Variants in VAV3 observed in about 807,000 individuals in gnomAD.
VAV3 encodes guanine nucleotide exchange factor VAV3.
VAV3 carries 94 observed loss-of-function variants against 131.2 expected under a neutral mutation model. That is an observed-to-expected ratio of 0.72 (90% confidence interval 0.61 to 0.85). The LOEUF is 0.85. Ranked by LOEUF, VAV3 falls within the 40% of genes least tolerant of loss-of-function variation. The pLI is 0.00. For synonymous variants in VAV3, 349 were observed against 342.0 expected (o/e 1.02, Z -0.22); for missense variants, 939 against 1,002.7 (o/e 0.94, Z 0.86).
intron 25 of VAV3, among the ~76,000 whole-genome samples, chr1:107,576,120 T>C (rs549074874): frequency 6.6e-6 from 1 of 152,262 alleles, no homozygotes; most frequent in African/African-American, 2.4e-5. Context: ...CATCCCCCTT[T>C]ATACTTTCAG....
chr1:107,937,355 G>A (rs1300657739), intron 1 of VAV3, among the ~76,000 whole-genome samples: 4 of 152,190 alleles, frequency 2.6e-5, no homozygotes, highest in Non-Finnish European at 5.9e-5. Context: ...GCTAGTGACT[G>A]CAGCAGCTGT....
intron 20 of VAV3, among the ~76,000 whole-genome samples, chr1:107,626,799 G>A (rs1218023871): frequency 6.6e-6 from 1 of 152,198 alleles, no homozygotes; most frequent in Non-Finnish European, 1.5e-5. Flanking sequence ...ATAACCCAAA[G>A]CAATGAGTCT....
intron 25 of VAV3, chr1:107,576,367 A>G (rs1165771405): frequency 1.4e-6 from 2 of 1,480,532 alleles, no homozygotes; most frequent in Non-Finnish European, 1.8e-6. Flanking sequence ...AGTTGAAGAG[A>G]CAAATAAAAG....
At chr1:107,783,259 T>C (rs543473727) in intron 2 of VAV3, among the ~76,000 whole-genome samples, 11 of 152,196 alleles carry the variant, frequency 7.2e-5, no homozygotes, top group Admixed American at 2.0e-4. Context: ...GGGTCAAAAC[T>C]GCCTTTTTAA....
chr1:107,670,025 G>T (rs949515637), intron 19 of VAV3, among the ~76,000 whole-genome samples: 2 of 152,128 alleles, frequency 1.3e-5, no homozygotes, highest in Non-Finnish European at 2.9e-5. Flanking sequence ...TTTCTATCTT[G>T]ATTAATACAT....
At chr1:107,899,786 T>C (rs571358414) in intron 1 of VAV3, among the ~76,000 whole-genome samples, 1 of 152,166 alleles carries the variant, frequency 6.6e-6, no homozygotes, top group East Asian at 1.9e-4. Flanking sequence ...GCCAAACTAA[T>C]AATAACTGGT....
chr1:107,734,914 G>A (rs1261500443), intron 15 of VAV3, among the ~76,000 whole-genome samples: 1 of 152,150 alleles, frequency 6.6e-6, no homozygotes, highest in Non-Finnish European at 1.5e-5. Context: ...ATTCTTCTCA[G>A]CACCACATCA....
At chr1:107,747,041 G>A (rs914681236) in intron 15 of VAV3, among the ~76,000 whole-genome samples, 1 of 151,854 alleles carries the variant, frequency 6.6e-6, no homozygotes, top group Non-Finnish European at 1.5e-5. Context: ...CACCACACCC[G>A]GCTAATTTTT....
At chr1:107,804,470 T>C (rs1666969053) in intron 2 of VAV3, among the ~76,000 whole-genome samples, 1 of 152,170 alleles carries the variant, frequency 6.6e-6, no homozygotes, top group Admixed American at 6.5e-5. Flanking sequence ...AACAAGTCAT[T>C]TTACAGAGAT....
At chr1:107,595,491 T>A (rs1233157130) in intron 25 of VAV3, among the ~76,000 whole-genome samples, 1 of 151,950 alleles carries the variant, frequency 6.6e-6, no homozygotes, top group Non-Finnish European at 1.5e-5. Context: ...AACACTTATT[T>A]AAAAAAAATA....
intron 20 of VAV3, among the ~76,000 whole-genome samples, chr1:107,631,263 TATCACTA>T (rs1258168262): frequency 2.0e-5 from 3 of 152,046 alleles, no homozygotes; most frequent in Admixed American, 2.0e-4. Context: ...ATTACAATTT[TATCACTA>T]AACCTTTATA....
intron 24 of VAV3, 66 bp from the exon 25 acceptor site, chr1:107,596,407 T>C: frequency 6.4e-7 from 1 of 1,561,940 alleles, no homozygotes; most frequent in Non-Finnish European, 8.7e-7. Context: ...CATGAACTCC[T>C]GAGCACATAA....
intron 25 of VAV3, among the ~76,000 whole-genome samples, chr1:107,591,719 T>A (rs1570573542): frequency 6.6e-6 from 1 of 152,168 alleles, no homozygotes; most frequent in Non-Finnish European, 1.5e-5. Context: ...CACATATTTT[T>A]CATTCAGACT....
At chr1:107,790,279 T>C (rs1021141100) in intron 2 of VAV3, among the ~76,000 whole-genome samples, 4 of 152,232 alleles carry the variant, frequency 2.6e-5, no homozygotes, top group Non-Finnish European at 5.9e-5. Context: ...AACTGTTTGA[T>C]TATTTTCTCA....
At chr1:107,935,343 T>C (rs929749934) in intron 1 of VAV3, among the ~76,000 whole-genome samples, 2 of 152,104 alleles carry the variant, frequency 1.3e-5, no homozygotes, top group Non-Finnish European at 2.9e-5. Flanking sequence ...AGTCAGCAAA[T>C]AAAATTCACA....
intron 15 of VAV3, among the ~76,000 whole-genome samples, chr1:107,733,635 G>A (rs372853812): frequency 6.6e-6 from 1 of 152,090 alleles, no homozygotes; most frequent in Non-Finnish European, 1.5e-5. Context: ...GGAAGAAAGG[G>A]TATAAATGAG....
chr1:107,658,805 T>C (rs1221070440), intron 19 of VAV3, among the ~76,000 whole-genome samples: 4 of 152,250 alleles, frequency 2.6e-5, no homozygotes, highest in Admixed American at 1.3e-4. Flanking sequence ...TGTTTGTTTT[T>C]ATCTTGTAAA....
At chr1:107,906,286 A>T (rs1281901042) in intron 1 of VAV3, among the ~76,000 whole-genome samples, 1 of 151,764 alleles carries the variant, frequency 6.6e-6, no homozygotes, top group Admixed American at 6.6e-5. Context: ...TTTAAGAGAG[A>T]GGGTTTCATT....
At position 107,889,132 on chromosome 1, in the gene VAV3, A is replaced by AGTGTGTGTGTGTGTGT. The variant is rs5776903; in HGVS notation, c.205-14131_205-14116dup. Among the ~76,000 whole-genome samples, 264 of 142,030 alleles carry AGTGTGTGTGTGTGTGT rather than the reference A, an allele frequency of 1.9e-3. 2 individuals carry two copies. Among genetic ancestry groups the AGTGTGTGTGTGTGTGT allele is most frequent in the East Asian group, 4.6e-3 (22 of 4,774 alleles). The allele number at this position is 142,030 out of a possible 152,430, so 93.2% of individuals were successfully genotyped here. ...TTTTGTTCCAAGTTCTCCTGTGTAG[A>AGTGTGTGTGTGTGTGT]GTGTGTGTGTGTGTGTGTGTGTGTG... On this transcript the variant is annotated intron_variant, in intron 1 of 26. Coordinates refer to ENST00000370056, the MANE Select transcript of VAV3 (RefSeq NM_006113.5).
Sources: allele counts gnomAD v4.1 joint callset (sites outside exome capture counted in the v4.1 genomes callset), GRCh38; gene constraint gnomAD v4.1.1; transcripts MANE v1.5; gene names NCBI Gene and HGNC (gene_info 2026-07-23, HGNC 2026-07-21).